BOD1L1: variants seen among roughly 807,000 people sequenced by gnomAD.
BOD1L1 encodes biorientation of chromosomes in cell division 1 like 1.
A neutral mutation model predicts 240.7 loss-of-function variants in BOD1L1; 86 were observed. That is an observed-to-expected ratio of 0.36 (90% CI 0.30 to 0.43). BOD1L1 has a LOEUF of 0.43. Ranked by LOEUF, BOD1L1 falls within the 20% of genes least tolerant of loss-of-function variation. The pLI is 1.00. For missense variants in BOD1L1, 3,554 were observed against 3,643.5 expected (o/e 0.98, Z 0.63); for synonymous variants, 1,268 against 1,272.3 (o/e 1.00, Z 0.07).
At chr4:13,586,238 C>T (rs1713673594) in intron 17 of BOD1L1, among the ~76,000 whole-genome samples, 158 bp downstream of exon 17, 1 of 151,822 alleles carries the variant, frequency 6.6e-6, no homozygotes, top group Non-Finnish European at 1.5e-5. Context: ...TGGGAGGAGA[C>T]TAAAAAATAG....
At chr4:13,580,861 T>C (rs1485961052) in intron 21 of BOD1L1, among the ~76,000 whole-genome samples, 159 bp downstream of exon 21, 1 of 152,206 alleles carries the variant, frequency 6.6e-6, no homozygotes, top group African/African-American at 2.4e-5. Flanking sequence ...TAACTCTGTT[T>C]ACACAAAGAT....
rs1304626756 is a variant in BOD1L1 at position 13,601,964 on chromosome 4, C to A, written c.4936G>T (p.Val1646Leu). Residue 1646 changes from valine to leucine, a missense_variant, in exon 10 of 26, where the codon GTG becomes TTG. By Grantham distance (32) the Val-to-Leu change is conservative (BLOSUM62 1). This residue lies in a region of BOD1L1 where 3,393 missense variants were observed against 3,427.1 expected (regional missense o/e 0.99). Coordinates refer to ENST00000040738, the MANE Select transcript of BOD1L1 (RefSeq NM_148894.3). ...ACAGCATCATCCTTTTCCTCTGTCA[C>A]AACGCTATTTACATTGGCTTCGATT... The part of the protein sequence containing the change: ...VKIEANVNSV[V>L]TEEKDDAVTS... 6.2e-7 allele frequency: 1 copy of A among 1,613,898 alleles called. No individual in the cohort carries two copies. The highest frequency in any genetic ancestry group is 1.3e-5 in the African/African-American group (1 of 74,932).
At chr4:13,597,390 T>C (rs1287779708) in intron 10 of BOD1L1, among the ~76,000 whole-genome samples, 1 of 152,232 alleles carries the variant, frequency 6.6e-6, no homozygotes, top group Non-Finnish European at 1.5e-5. Context: ...AAATTCTTAT[T>C]TGCACAGTAA....
intron 19 of BOD1L1, 95 bp from the exon 20 acceptor site, chr4:13,581,302 G>T: frequency 1.2e-6 from 1 of 849,526 alleles, no homozygotes; most frequent in Non-Finnish European, 1.8e-6. Context: ...TAGAGTTCCT[G>T]TCTAAGAGAC....
In BOD1L1 at chr4:13,602,818, G is replaced by T. The variant is rs759354203; in HGVS notation, c.4082C>A (p.Thr1361Asn). 1.2e-6 allele frequency: 2 copies of T among 1,614,008 alleles called. No individual in the cohort carries two copies. The highest frequency in any genetic ancestry group is 1.7e-6 in the Non-Finnish European group (2 of 1,179,880). The change falls in exon 10 of 26, where the codon ACT becomes AAT. Residue 1361 changes from threonine (T) to asparagine (N), a missense_variant. Transcript: ENST00000040738. ...TVDTPAKASI[T>N]SKRHIPEAHQ... ...AGCTTCTGGAATGTGTCTTTTGCTAGTGATGCTTGCTTTTGCTGGTGTATC... is the reference window on the plus strand; with the variant it reads ...AGCTTCTGGAATGTGTCTTTTGCTATTGATGCTTGCTTTTGCTGGTGTATC...
rs771451991 is a variant in BOD1L1 at position 13,577,500 on chromosome 4, A to C, written c.8800-13T>G. 5.0e-6 allele frequency: 8 copies of C among 1,612,450 alleles called. No homozygotes were observed. Among genetic ancestry groups the C allele is most frequent in the Non-Finnish European group, 6.8e-6 (8 of 1,179,248 alleles). On this transcript the variant is annotated splice_polypyrimidine_tract_variant and intron_variant, in intron 23 of 25. Coordinates refer to ENST00000040738, the MANE Select transcript of BOD1L1 (RefSeq NM_148894.3). ...CTTCACCATCATCCTAGAAGCAATA[A>C]AATTAAAGTCAAAAGGGTGGTCAGC...
Position 13,582,747 on chromosome 4 carries a change from G to T in BOD1L1, c.8434-11C>A, listed in dbSNP as rs536601851. On this transcript the variant is annotated splice_polypyrimidine_tract_variant and intron_variant, in intron 17 of 25. Coordinates refer to ENST00000040738, the MANE Select transcript of BOD1L1 (RefSeq NM_148894.3). ...TCTGGAGTTCTCTTCCTATAGAGAAGTTGAAAAAGACTAGAACCTTCTTCA... is the reference window on the plus strand; with the variant it reads ...TCTGGAGTTCTCTTCCTATAGAGAATTTGAAAAAGACTAGAACCTTCTTCA... The T allele has an allele frequency of 1.3e-5, 20 of 1,572,404 alleles. 1 individual carries two copies. In the South Asian group the frequency reaches 2.0e-4, roughly 16 times the overall value.
intron 3 of BOD1L1, 31 bp from the exon 4 acceptor site, chr4:13,614,841 T>C (rs1191267311): frequency 1.3e-6 from 2 of 1,552,166 alleles, no homozygotes; most frequent in Admixed American, 2.1e-5. Flanking sequence ...TTAGAATACA[T>C]TTAATCAGAA....
intron 25 of BOD1L1, among the ~76,000 whole-genome samples, chr4:13,576,290 G>C (rs1370979150): frequency 6.6e-6 from 1 of 152,042 alleles, no homozygotes; most frequent in Non-Finnish European, 1.5e-5. Flanking sequence ...ATCTGACCGT[G>C]GTACTCTTTT....
intron 17 of BOD1L1, among the ~76,000 whole-genome samples, chr4:13,583,873 TA>T (rs1713431223): frequency 6.6e-6 from 1 of 152,320 alleles, no homozygotes; most frequent in Non-Finnish European, 1.5e-5. Flanking sequence ...TGAGCATCTG[TA>T]AACTATTAAG....
Position 13,608,648 on chromosome 4 carries a change from C to T in BOD1L1, c.1624G>A (p.Glu542Lys). 6.5e-7 allele frequency: 1 copy of T among 1,536,354 alleles called. No individual in the cohort carries two copies. Among genetic ancestry groups the T allele is most frequent in the South Asian group, 1.3e-5 (1 of 77,548 alleles). The change falls in exon 8 of 26, where the codon GAA becomes AAA. Residue 542 changes from glutamate (E) to lysine (K), a missense_variant. Coordinates refer to ENST00000040738, the MANE Select transcript of BOD1L1 (RefSeq NM_148894.3). Reference protein sequence around the residue: ...KGQGRSSVDLEESSTKSLEPK... With the variant: ...KGQGRSSVDLKESSTKSLEPK... ...TCCAAACTCTTTGTTGATGATTCTT[C>T]TAAGTCCACACTACTCCTGCCTAGA... is the stretch of plus-strand genomic sequence containing the variant.
In BOD1L1 at chr4:13,569,952, G is replaced by C. The variant is rs547228920; in HGVS notation, c.*59C>G. On this transcript the variant is annotated 3_prime_UTR_variant, in exon 26 of 26. Transcript: ENST00000040738. ...TAAAGAGAAGCCTATGGCCACCAAGGCATGTCTCTTTCCTCTCCACCGTGT... is the reference window on the plus strand; with the variant it reads ...TAAAGAGAAGCCTATGGCCACCAAGCCATGTCTCTTTCCTCTCCACCGTGT... 83 of 1,272,870 alleles carry C rather than the reference G, an allele frequency of 6.5e-5. No homozygotes were observed. The South Asian group carries it at 1.2e-3, about 18-fold the overall frequency. 78.8% of individuals were successfully genotyped at this position (1,272,870 alleles called of 1,614,324 possible).
At position 13,569,952 on chromosome 4, in the gene BOD1L1, G is replaced by T. The variant is rs547228920; in HGVS notation, c.*59C>A. ...TAAAGAGAAGCCTATGGCCACCAAG[G>T]CATGTCTCTTTCCTCTCCACCGTGT... On this transcript the variant is annotated 3_prime_UTR_variant, in exon 26 of 26. Coordinates refer to ENST00000040738, the MANE Select transcript of BOD1L1 (RefSeq NM_148894.3). 3.9e-6 allele frequency: 5 copies of T among 1,272,750 alleles called. No homozygotes were observed. The East Asian group carries it at 8.5e-5, about 22-fold the overall frequency. The allele number at this position is 1,272,750 out of a possible 1,614,324, so 78.8% of individuals were successfully genotyped here.
chr4:13,573,098 G>A (rs558491463), intron 25 of BOD1L1, among the ~76,000 whole-genome samples: 1 of 152,150 alleles, frequency 6.6e-6, no homozygotes, highest in South Asian at 2.1e-4. Context: ...ATGTATCTGC[G>A]AAAAATAGAA....
intron 8 of BOD1L1, among the ~76,000 whole-genome samples, chr4:13,607,755 A>G (rs551662710): frequency 2.5e-4 from 38 of 152,278 alleles, no homozygotes; most frequent in African/African-American, 9.1e-4. Context: ...AAAAATTCCT[A>G]ATTTGTTGCT....
Position 13,613,476 on chromosome 4 carries a change from G to C in BOD1L1, c.1324+36C>G, listed in dbSNP as rs1341782305. 4 of 1,578,840 alleles carry C rather than the reference G, an allele frequency of 2.5e-6. No individual in the cohort carries two copies. The highest frequency in any genetic ancestry group is 2.3e-5 in the South Asian group (2 of 87,714). ...AGAATATACAAATAATGCTTGACAG[G>C]ATGCTTCAGAGGCATTATTATGTAA... is the stretch of plus-strand genomic sequence containing the variant. On this transcript the variant is annotated intron_variant, in intron 5 of 25. Transcript: ENST00000040738. This position sits in a 1 kb window ranked among gnomAD's most constrained non-coding sequence, Gnocchi z 4.0.
At chr4:13,614,008 C>A (rs1716377179) in intron 4 of BOD1L1, among the ~76,000 whole-genome samples, 188 bp downstream of exon 4, 1 of 152,076 alleles carries the variant, frequency 6.6e-6, no homozygotes, top group Admixed American at 6.5e-5. Context: ...TGTTAATTTA[C>A]TCTGTGAACA....
At chr4:13,585,534 AC>A (rs1430192609) in intron 17 of BOD1L1, among the ~76,000 whole-genome samples, 4 of 152,212 alleles carry the variant, frequency 2.6e-5, no homozygotes, top group African/African-American at 9.6e-5. Context: ...GAACACAAAT[AC>A]AAATTTGTGA....
At chr4:13,596,078 C>G (rs868683935) in intron 11 of BOD1L1, 134 bp from the exon 12 acceptor site, 1 of 689,264 alleles carries the variant, frequency 1.5e-6, no homozygotes, top group Non-Finnish European at 2.4e-6. Flanking sequence ...GTACACAAAA[C>G]TTAAAAATAA....
Sources: allele counts gnomAD v4.1 joint callset (sites outside exome capture counted in the v4.1 genomes callset), GRCh38; gene constraint gnomAD v4.1.1; regional missense constraint gnomAD v4.1.1; non-coding constraint Gnocchi (gnomAD v3.1); transcripts MANE v1.5; gene names NCBI Gene and HGNC (gene_info 2026-07-23, HGNC 2026-07-21).